Variants in NEGR1 observed in about 807,000 individuals in gnomAD.
NEGR1 encodes the protein IgLON family member 4.
Under a neutral mutation model 40.9 loss-of-function variants are expected in NEGR1, and 10 were observed. That is an observed-to-expected ratio of 0.24 (90% confidence interval 0.15 to 0.42). NEGR1 has a LOEUF of 0.42. Among genes scored for constraint, NEGR1 ranks in the 10% least tolerant of loss-of-function variants. NEGR1 has a pLI of 1.00. For missense variants in NEGR1, 352 were observed against 438.9 expected (o/e 0.80, Z 1.77); for synonymous variants, 185 against 166.8 (o/e 1.11, Z -0.84).
intron 4 of NEGR1, among the ~76,000 whole-genome samples, chr1:71,669,957 A>C (rs1652364828): frequency 6.6e-6 from 1 of 152,120 alleles, no homozygotes; most frequent in African/African-American, 2.4e-5. Context: ...AATCCTAGGT[A>C]GTATTTTAAT....
intron 1 of NEGR1, among the ~76,000 whole-genome samples, chr1:72,121,573 A>G (rs1325787358): frequency 2.0e-5 from 3 of 151,990 alleles, no homozygotes; most frequent in African/African-American, 7.2e-5. Flanking sequence ...CAGCAGACAA[A>G]GTAGAATAGA....
At chr1:71,988,165 G>C (rs1417059004) in intron 1 of NEGR1, among the ~76,000 whole-genome samples, 1 of 152,066 alleles carries the variant, frequency 6.6e-6, no homozygotes, top group Non-Finnish European at 1.5e-5. Flanking sequence ...TGTCTTTTTG[G>C]TCACTAAAGT....
chr1:71,551,016 G>A (rs1648058213), intron 6 of NEGR1, among the ~76,000 whole-genome samples: 1 of 151,512 alleles, frequency 6.6e-6, no homozygotes, highest in Non-Finnish European at 1.5e-5. Flanking sequence ...GTATAATATA[G>A]TATGGTACTC....
At chr1:71,938,314 T>C (rs1645927910) in intron 1 of NEGR1, among the ~76,000 whole-genome samples, 1 of 151,708 alleles carries the variant, frequency 6.6e-6, no homozygotes, top group Non-Finnish European at 1.5e-5. Context: ...AGAATACATG[T>C]AGTTTAAAGG....
At chr1:71,801,759 T>C (rs145375340) in intron 2 of NEGR1, among the ~76,000 whole-genome samples, 2 of 152,272 alleles carry the variant, frequency 1.3e-5, no homozygotes, top group African/African-American at 4.8e-5. Context: ...TCAGATTGCA[T>C]TGCATTTCGC....
intron 6 of NEGR1, among the ~76,000 whole-genome samples, chr1:71,512,706 C>T (rs1448536324): frequency 1.3e-5 from 2 of 151,912 alleles, no homozygotes. Flanking sequence ...CTCAACCTCC[C>T]GAGTAGCTGG....
At chr1:71,672,359 A>G (rs77867818) in intron 4 of NEGR1, among the ~76,000 whole-genome samples, 3 of 152,210 alleles carry the variant, frequency 2.0e-5, no homozygotes, top group African/African-American at 7.2e-5. Flanking sequence ...GAAAGTTAAG[A>G]CACTCATGAG....
At chr1:72,187,215 C>A (rs1302587198) in intron 1 of NEGR1, among the ~76,000 whole-genome samples, 1 of 151,292 alleles carries the variant, frequency 6.6e-6, no homozygotes, top group Non-Finnish European at 1.5e-5. Flanking sequence ...ATATTTCTTC[C>A]CTCTATAAAG....
In NEGR1 at chr1:71,405,096, G is replaced by A. The variant is rs1646270075; in HGVS notation, c.*2350C>T. On this transcript the variant is annotated 3_prime_UTR_variant, in exon 7 of 7. Transcript: ENST00000357731. ...CAAGAAAGTCTCTTCTAACATAAAGGCAAATACATATAGCTACTGAGCTAT... is the reference window on the plus strand; with the variant it reads ...CAAGAAAGTCTCTTCTAACATAAAGACAAATACATATAGCTACTGAGCTAT... 1 of 151,948 alleles carries A rather than the reference G, an allele frequency of 6.6e-6. No individual in the cohort carries two copies. Among genetic ancestry groups the A allele is most frequent in the Admixed American group, 6.6e-5 (1 of 15,202 alleles). The allele number at this position is 151,948 out of a possible 1,614,324, so 9.4% of individuals were successfully genotyped here.
At chr1:71,578,853 T>G (rs957408364) in intron 6 of NEGR1, among the ~76,000 whole-genome samples, 2 of 152,158 alleles carry the variant, frequency 1.3e-5, no homozygotes, top group African/African-American at 4.8e-5. Context: ...TACTATTTCT[T>G]TAAGAAAAAA....
chr1:71,761,756 G>A (rs754855536), intron 3 of NEGR1, among the ~76,000 whole-genome samples: 1 of 151,822 alleles, frequency 6.6e-6, no homozygotes, highest in African/African-American at 2.4e-5. Flanking sequence ...TCTCCGACAA[G>A]GAAGACTAAG....
chr1:71,878,361 A>G (rs1660490983), intron 2 of NEGR1, among the ~76,000 whole-genome samples: 1 of 152,116 alleles, frequency 6.6e-6, no homozygotes. Flanking sequence ...GGCCTGTTAA[A>G]ACAGAATGCT....
chr1:72,132,932 G>T (rs1290734508), intron 1 of NEGR1, among the ~76,000 whole-genome samples: 1 of 152,042 alleles, frequency 6.6e-6, no homozygotes, highest in Non-Finnish European at 1.5e-5. Context: ...TTATTCTTGA[G>T]ATGCTATTTA....
intron 2 of NEGR1, among the ~76,000 whole-genome samples, chr1:71,822,557 C>T (rs940171978): frequency 1.3e-5 from 2 of 151,936 alleles, no homozygotes; most frequent in East Asian, 3.9e-4. Flanking sequence ...TGTCCAACTG[C>T]CCCCAACAAG....
At chr1:71,424,789 T>A (rs1341638089) in intron 6 of NEGR1, among the ~76,000 whole-genome samples, 1 of 152,154 alleles carries the variant, frequency 6.6e-6, no homozygotes, top group African/African-American at 2.4e-5. Flanking sequence ...AGGACCTCAG[T>A]CCTTCCACCA....
intron 6 of NEGR1, among the ~76,000 whole-genome samples, chr1:71,508,376 C>T (rs557741487): frequency 6.6e-5 from 10 of 152,234 alleles, no homozygotes; most frequent in African/African-American, 2.4e-4. Context: ...ACCTGAGGAA[C>T]CCCTAAAGTT....
intron 4 of NEGR1, among the ~76,000 whole-genome samples, chr1:71,624,850 A>G (rs905478149): frequency 1.3e-5 from 2 of 151,800 alleles, no homozygotes; most frequent in African/African-American, 2.4e-5. Context: ...CCATCCAATA[A>G]TCTCCATCTG....
At position 71,803,968 on chromosome 1, in the gene NEGR1, G is replaced by C. The variant is rs138051412; in HGVS notation, c.410-27671C>G. On this transcript the variant is annotated intron_variant, in intron 2 of 6. Coordinates refer to ENST00000357731, the MANE Select transcript of NEGR1 (RefSeq NM_173808.3). The stretch of plus-strand genomic sequence containing the variant: ...TCTTCTCTGCTAGTCAAAGAATAAT[G>C]ACCTTCATATTTGTACTTCTAAGGC... Among the ~76,000 whole-genome samples, 419 of 151,970 alleles carry C rather than the reference G, an allele frequency of 2.8e-3. 4 individuals are homozygous for C. The highest frequency in any genetic ancestry group is 0.017 in the Admixed American group (266 of 15,252).
intron 6 of NEGR1, among the ~76,000 whole-genome samples, chr1:71,449,281 CTTGAT>C (rs1213739590): frequency 2.0e-5 from 3 of 152,204 alleles, no homozygotes; most frequent in African/African-American, 7.2e-5. Context: ...GCTAACCTCA[CTTGAT>C]TTGACACTGT....
Sources: allele counts gnomAD v4.1 joint callset (sites outside exome capture counted in the v4.1 genomes callset), GRCh38; gene constraint gnomAD v4.1.1; transcripts MANE v1.5; gene names NCBI Gene and HGNC (gene_info 2026-07-23, HGNC 2026-07-21).